The following WDR44 variants were observed in gnomAD, a reference collection of about 807,000 sequenced individuals.
WDR44 encodes the protein WD repeat domain 44, also known as WD repeat-containing protein 44.
A neutral mutation model predicts 65.7 loss-of-function variants in WDR44; 9 were observed. The observed-to-expected ratio is 0.14, with a 90% CI of 0.08 to 0.24. The LOEUF (loss-of-function observed/expected upper bound fraction) is 0.24. WDR44 is among the 10% of genes least tolerant of loss of function. The pLI is 1.00. For synonymous variants in WDR44, 220 were observed against 235.2 expected, an observed-to-expected ratio of 0.94 and a Z score of 0.59; for missense variants, 425 against 670.9, an observed-to-expected ratio of 0.63 and a Z score of 4.05.
intron 5 of WDR44, 111 bp downstream of exon 5, chrX:118,394,296 A>G (rs750500633): frequency 2.9e-6 from 3 of 1,041,104 alleles, no homozygotes; most frequent in African/African-American, 3.8e-5. Flanking sequence ...TTGTCCTCCA[A>G]ACCTGACCCC....
intron 7 of WDR44, among the ~76,000 whole-genome samples, chrX:118,397,728 A>G (rs1426146680): frequency 3.6e-5 from 4 of 111,906 alleles, no homozygotes; most frequent in Non-Finnish European, 7.5e-5. Context: ...ATTAAATGTA[A>G]TGCAGGATGT....
intron 14 of WDR44, among the ~76,000 whole-genome samples, chrX:118,438,869 A>T (rs2057279028): frequency 1.0e-5 from 1 of 98,030 alleles, no homozygotes; most frequent in Admixed American, 1.2e-4. Flanking sequence ...GCTCACTGCA[A>T]CCTCCACCTC....
At chrX:118,409,271 A>T (rs1003286843) in intron 10 of WDR44, among the ~76,000 whole-genome samples, 1 of 110,832 alleles carries the variant, frequency 9.0e-6, no homozygotes, top group African/African-American at 3.3e-5. Context: ...CTGGGATTAC[A>T]GGCGCCCGCC....
chrX:118,448,418 C>T (rs750376970), intron 19 of WDR44, among the ~76,000 whole-genome samples: 3 of 111,773 alleles, frequency 2.7e-5, no homozygotes, highest in Admixed American at 1.9e-4. Flanking sequence ...ACACAGCAAA[C>T]GTGTGTACTT....
chrX:118,444,571 G>GT, intron 19 of WDR44, 77 bp downstream of exon 19: 1 of 1,037,173 alleles, frequency 9.6e-7, no homozygotes, highest in East Asian at 3.1e-5. Context: ...GTATAATAAG[G>GT]TTTTCACTAG....
intron 12 of WDR44, among the ~76,000 whole-genome samples, chrX:118,426,874 A>G (rs1253738933): frequency 8.9e-6 from 1 of 112,030 alleles, no homozygotes; most frequent in Admixed American, 9.5e-5. Flanking sequence ...AAGTAAGAAG[A>G]TTCTCATCTT....
In WDR44 at chrX:118,406,918, A is replaced by G. The variant is rs1162617513; in HGVS notation, c.1425A>G (p.Glu475=). 8.3e-7 allele frequency: 1 copy of G among 1,210,369 alleles called. No homozygotes were observed. The highest frequency in any genetic ancestry group is 1.1e-6 in the Non-Finnish European group (1 of 894,459). ...ATGATCCTTCATCAAGTGATGATGA[A>G]GGAATGCCATACACAAGACCAGTTA... The part of the protein sequence containing the change: ...DQDDPSSSDD[E]GMPYTRPVKF... Residue 475 remains glutamate (E), a synonymous_variant, in exon 10 of 20, where the codon GAA becomes GAG. Transcript: ENST00000254029.
chrX:118,369,469 C>A (rs12387128), intron 1 of WDR44, among the ~76,000 whole-genome samples: 23,860 of 92,021 alleles, frequency 0.26, 2,849 homozygotes, highest in African/African-American at 0.39. Flanking sequence ...CCACGCCCGG[C>A]CTTTTTTTTT....
chrX:118,377,757 T>G (rs757055500), intron 1 of WDR44, among the ~76,000 whole-genome samples: 28 of 102,184 alleles, frequency 2.7e-4, no homozygotes, highest in African/African-American at 9.4e-4. Context: ...AGATGGGATC[T>G]TGCTGTCTCC....
chrX:118,395,338 T>A lies in WDR44; in HGVS notation c.1047T>A (p.Thr349=). ...GATCCAACTCTGGGAGAGAGCTTACTGATGAGGTAGAAATAGATTTTTTTG... is the reference window on the plus strand; with the variant it reads ...GATCCAACTCTGGGAGAGAGCTTACAGATGAGGTAGAAATAGATTTTTTTG... ...RPRSNSGREL[T]DEEILASVMI... The change falls in exon 6 of 20, where the codon ACT becomes ACA. Residue 349 remains threonine (T), a synonymous_variant. Transcript: ENST00000254029. The A allele has an allele frequency of 8.3e-7, 1 of 1,201,257 alleles. No individual in the cohort carries two copies. The highest frequency in any genetic ancestry group is 1.1e-6 in the Non-Finnish European group (1 of 888,133).
chrX:118,447,755 G>A lies in WDR44; in HGVS notation c.2648-1138G>A, dbSNP rs990028284. Among the ~76,000 whole-genome samples, 8 of 107,001 alleles carry A rather than the reference G, an allele frequency of 7.5e-5. No individual in the cohort carries two copies. The East Asian group carries it at 2.3e-3, about 31-fold the overall frequency. The allele number at this position is 107,001 out of a possible 115,157, so 92.9% of individuals were successfully genotyped here. A position where few individuals can be genotyped will look rare whatever the true frequency, so the allele number is the denominator to read the frequency against. On this transcript the variant is annotated intron_variant, in intron 19 of 19. Coordinates refer to ENST00000254029, the MANE Select transcript of WDR44 (RefSeq NM_019045.5). ...TAAATAATTAGTCGGGCACAGTGGC[G>A]CATGCCTGTAGGGAGGCTGAGGTGG...
intron 10 of WDR44, among the ~76,000 whole-genome samples, chrX:118,408,451 G>A (rs2056986433): frequency 1.8e-5 from 2 of 109,203 alleles, no homozygotes; most frequent in South Asian, 8.1e-4. Flanking sequence ...AGGCTGGAGT[G>A]CAGGGGCGGG....
rs185904893 is a variant in WDR44, at chrX:118,393,333, A to G, written c.826+62A>G. On this transcript the variant is annotated intron_variant, in intron 4 of 19. Transcript: ENST00000254029. ...CACAGTGGCTCACGCCTGTAATCCC[A>G]GCACTTTGGGAGGCCAAGGCGGGCG... The G allele has an allele frequency of 1.7e-5, 19 of 1,122,749 alleles. No homozygotes were observed. The African/African-American group carries it at 2.7e-4, about 16-fold the overall frequency. The allele number at this position is 1,122,749 out of a possible 1,213,427, so 92.5% of individuals were successfully genotyped here.
At chrX:118,392,163 T>C (rs2056825682) in intron 3 of WDR44, among the ~76,000 whole-genome samples, 1 of 111,729 alleles carries the variant, frequency 9.0e-6, no homozygotes, top group Non-Finnish European at 1.9e-5. Flanking sequence ...TGAATTCTTC[T>C]CCTGGGGATT....
chrX:118,424,876 T>G (rs2147736193), intron 12 of WDR44, among the ~76,000 whole-genome samples: 1 of 112,076 alleles, frequency 8.9e-6, no homozygotes, highest in Admixed American at 9.6e-5. Context: ...AGTTTATTTT[T>G]GTATATGATG....
chrX:118,411,070 A>G (rs2057009188), intron 12 of WDR44, 111 bp downstream of exon 12: 1 of 593,375 alleles, frequency 1.7e-6, no homozygotes, highest in African/African-American at 2.3e-5. Flanking sequence ...CTTAATATAA[A>G]ATTAAGATGT....
intron 14 of WDR44, among the ~76,000 whole-genome samples, chrX:118,438,485 T>A (rs1251200017): frequency 2.7e-5 from 3 of 111,644 alleles, no homozygotes; most frequent in Non-Finnish European, 3.8e-5. Flanking sequence ...CAGGCTGTAG[T>A]GCAGTGGTGC....
At chrX:118,394,596 CAT>C (rs2056850047) in intron 5 of WDR44, among the ~76,000 whole-genome samples, 2 of 109,492 alleles carry the variant, frequency 1.8e-5, no homozygotes, top group African/African-American at 6.7e-5. Context: ...TTTTCCTAAT[CAT>C]AGAAAAACTT....
At chrX:118,426,922 T>C (rs1395497863) in intron 12 of WDR44, among the ~76,000 whole-genome samples, 2 of 111,252 alleles carry the variant, frequency 1.8e-5, no homozygotes, top group African/African-American at 6.5e-5. Context: ...ACAACCTAAA[T>C]TTCTAACAGT....
Sources: gnomAD v4.1 joint callset for allele counts (sites outside exome capture counted in the v4.1 genomes callset) on GRCh38, gnomAD v4.1.1 for gene constraint, MANE v1.5 for transcripts, NCBI Gene and HGNC (gene_info 2026-07-23, HGNC 2026-07-21) for gene names.